KHDRBS2: variants seen among roughly 807,000 people sequenced by gnomAD.
KHDRBS2 encodes the protein KH RNA binding domain containing, signal transduction associated 2, also known as KH domain-containing, RNA-binding, signal transduction-associated protein 2.
A neutral mutation model predicts 44.3 loss-of-function variants in KHDRBS2; 26 were observed. The ratio of observed to expected loss-of-function variants is 0.59; its 90% confidence interval spans 0.43 to 0.81. The LOEUF (loss-of-function observed/expected upper bound fraction) is 0.81. KHDRBS2 is among the 40% of genes least tolerant of loss of function. KHDRBS2 has a pLI of 0.00. For synonymous variants in KHDRBS2, 194 were observed against 151.1 expected (o/e 1.28, Z -2.08); for missense variants, 476 against 433.1 (o/e 1.10, Z -0.88).
At chr6:62,135,259 C>T (rs1273071675) in intron 2 of KHDRBS2, among the ~76,000 whole-genome samples, 4 of 152,156 alleles carry the variant, frequency 2.6e-5, no homozygotes, top group African/African-American at 9.7e-5. Flanking sequence ...GGGGAATCCC[C>T]TTTTGCTTGG....
intron 1 of KHDRBS2, among the ~76,000 whole-genome samples, chr6:62,204,184 T>C (rs1827549636): frequency 6.6e-6 from 1 of 152,180 alleles, no homozygotes; most frequent in Non-Finnish European, 1.5e-5. Flanking sequence ...AGGCATTCCT[T>C]TGTAGCAACA....
chr6:62,265,657 T>C (rs1481472748), intron 1 of KHDRBS2, among the ~76,000 whole-genome samples: 1 of 152,026 alleles, frequency 6.6e-6, no homozygotes, highest in Non-Finnish European at 1.5e-5. Flanking sequence ...ATGAAAGACC[T>C]TGTGACTATT....
the KHDRBS2 span, among the ~76,000 whole-genome samples, chr6:61,636,655 A>C: frequency 6.6e-6 from 1 of 152,112 alleles, no homozygotes; most frequent in Non-Finnish European, 1.5e-5. Flanking sequence ...GATGCTGCTA[A>C]ATATTCCACA....
chr6:62,121,580 A>G (rs1452445434), intron 2 of KHDRBS2, among the ~76,000 whole-genome samples: 1 of 152,206 alleles, frequency 6.6e-6, no homozygotes, highest in Non-Finnish European at 1.5e-5. Flanking sequence ...CCTGTCGATA[A>G]CACCAACCAG....
the KHDRBS2 span, chr6:61,574,507 C>A: frequency 2.2e-6 from 2 of 895,764 alleles, no homozygotes; most frequent in Non-Finnish European, 3.2e-6. Context: ...AAAATTTCGG[C>A]TGGGGCGACC....
At chr6:61,773,109 A>G (rs1421530272) in intron 6 of KHDRBS2, among the ~76,000 whole-genome samples, 1 of 152,148 alleles carries the variant, frequency 6.6e-6, no homozygotes, top group East Asian at 1.9e-4. Flanking sequence ...ATACGTGTGC[A>G]TGTGTCTTTA....
chr6:62,101,917 C>T (rs1163627550), intron 2 of KHDRBS2, among the ~76,000 whole-genome samples: 2 of 152,158 alleles, frequency 1.3e-5, no homozygotes, highest in African/African-American at 4.8e-5. Context: ...GGTCTTCTCA[C>T]AGTCTTTAAA....
chr6:61,622,809 TA>T, the KHDRBS2 span, among the ~76,000 whole-genome samples: 2 of 152,008 alleles, frequency 1.3e-5, no homozygotes, highest in Non-Finnish European at 2.9e-5. Flanking sequence ...GAGAATATGA[TA>T]GGGGCATCTG....
chr6:62,200,123 A>T (rs1229705038), intron 1 of KHDRBS2, among the ~76,000 whole-genome samples: 1 of 152,214 alleles, frequency 6.6e-6, no homozygotes, highest in Non-Finnish European at 1.5e-5. Flanking sequence ...ACCTAAAACC[A>T]TAAAAACCCT....
intron 1 of KHDRBS2, among the ~76,000 whole-genome samples, chr6:62,257,179 C>A (rs1177354545): frequency 2.6e-5 from 4 of 152,030 alleles, no homozygotes. Flanking sequence ...TCTTCTGTCC[C>A]AATCTTAATC....
chr6:61,568,115 A>G, the KHDRBS2 span, among the ~76,000 whole-genome samples: 2 of 151,992 alleles, frequency 1.3e-5, no homozygotes, highest in Non-Finnish European at 2.9e-5. Context: ...TTCAGTGTAT[A>G]TTTTTGTTGA....
rs1491394398 is a variant in KHDRBS2 at position 61,955,546 on chromosome 6, A to ATAGG, written c.483+22519_483+22520insCCTA. On this transcript the variant is annotated intron_variant, in intron 4 of 8. Coordinates refer to ENST00000281156, the MANE Select transcript of KHDRBS2 (RefSeq NM_152688.4). Reference sequence around the variant, plus strand: ...TATGTATACATGTGTATATATACACATATGTATGTATACATGTGTATATAT... The same window carrying ATAGG: ...TATGTATACATGTGTATATATACACATAGGTATGTATGTATACATGTGTATATAT... 8.7e-5 allele frequency among the ~76,000 whole-genome samples: 2 copies of ATAGG among 22,964 alleles called. 1 individual carries two copies. Among genetic ancestry groups the ATAGG allele is most frequent in the Non-Finnish European group, 2.1e-4 (2 of 9,690 alleles). 15.1% of individuals were successfully genotyped at this position (22,964 alleles called of 152,430 possible).
chr6:62,098,244 G>GTT lies in KHDRBS2; in HGVS notation c.220-50252_220-50251dup, dbSNP rs35184806. Among the ~76,000 whole-genome samples, 616 of 127,850 alleles carry GTT rather than the reference G, an allele frequency of 4.8e-3. 5 individuals carry two copies. The highest frequency in any genetic ancestry group is 7.8e-3 in the East Asian group (34 of 4,360). The allele number at this position is 127,850 out of a possible 152,430, so 83.9% of individuals were successfully genotyped here. ...ACCAGTGAGTTTTATAGCTTCAAAC[G>GTT]TTTTTTTTTTTTTTTTTGTTACAAG... On this transcript the variant is annotated intron_variant, in intron 2 of 8. Transcript: ENST00000281156.
chr6:61,840,750 C>G (rs1171242124), intron 6 of KHDRBS2, among the ~76,000 whole-genome samples: 1 of 152,114 alleles, frequency 6.6e-6, no homozygotes, highest in African/African-American at 2.4e-5. Context: ...CCCAACTGAG[C>G]TCATTAAGTT....
chr6:61,570,354 C>T, the KHDRBS2 span, among the ~76,000 whole-genome samples: 4 of 151,694 alleles, frequency 2.6e-5, no homozygotes, highest in Non-Finnish European at 5.9e-5. Flanking sequence ...TTAAATTAAG[C>T]CAGTCAGACA....
intron 2 of KHDRBS2, among the ~76,000 whole-genome samples, chr6:62,071,683 C>G (rs1222810471): frequency 2.6e-5 from 4 of 152,046 alleles, no homozygotes; most frequent in Non-Finnish European, 5.9e-5. Context: ...GAGCTCTGTT[C>G]TGTTCCATTG....
chr6:61,688,961 G>C (rs957946861), intron 8 of KHDRBS2, among the ~76,000 whole-genome samples: 1 of 151,886 alleles, frequency 6.6e-6, no homozygotes, highest in South Asian at 2.1e-4. Context: ...GGTCATGCCG[G>C]GAAGACTAAC....
intron 6 of KHDRBS2, among the ~76,000 whole-genome samples, chr6:61,883,426 T>A: frequency 6.6e-6 from 1 of 152,048 alleles, no homozygotes; most frequent in South Asian, 2.1e-4. Flanking sequence ...CCTATTTTCA[T>A]CCTTGTAAGT....
At chr6:61,744,284 C>A (rs1225118337) in intron 6 of KHDRBS2, among the ~76,000 whole-genome samples, 1 of 151,990 alleles carries the variant, frequency 6.6e-6, no homozygotes. Flanking sequence ...TCCCACAGGG[C>A]AATGAAAGTG....
Sources: allele counts gnomAD v4.1 joint callset (sites outside exome capture counted in the v4.1 genomes callset), GRCh38; gene constraint gnomAD v4.1.1; transcripts MANE v1.5; gene names NCBI Gene and HGNC (gene_info 2026-07-23, HGNC 2026-07-21).